The following TIAM2 variants were observed in gnomAD, a reference collection of about 807,000 sequenced individuals.
TIAM2 encodes rho guanine nucleotide exchange factor TIAM2.
In TIAM2, 80 loss-of-function variants were observed where a neutral mutation model predicts 152.9. The ratio of observed to expected loss-of-function variants is 0.52; its 90% CI spans 0.44 to 0.63. The LOEUF (loss-of-function observed/expected upper bound fraction) is 0.63, where lower values mean the gene tolerates loss of function less well. Among genes scored for constraint, TIAM2 ranks in the 30% least tolerant of loss-of-function variants. The probability of loss-of-function intolerance (pLI) is 0.00; values close to 1 mark genes in which losing one functional copy is unlikely to be tolerated. For missense variants in TIAM2, 1,965 were observed against 2,120.1 expected (o/e 0.93, Z 1.44); for synonymous variants, 804 against 838.0 (o/e 0.96, Z 0.70).
intron 19 of TIAM2, 24 bp downstream of exon 19, chr6:155,245,755 G>GTTT (rs11435976): frequency 0.13 from 130,005 of 1,007,104 alleles, 2,525 homozygotes; most frequent in Non-Finnish European, 0.14. Flanking sequence ...GCCTTTTATA[G>GTTT]TTTTTTTTTT....
intron 3 of TIAM2, among the ~76,000 whole-genome samples, chr6:155,128,944 T>C (rs1009271306): frequency 6.6e-6 from 1 of 152,206 alleles, no homozygotes; most frequent in Non-Finnish European, 1.5e-5. Flanking sequence ...AGCTGATTTT[T>C]ATGCCTGTTC....
chr6:155,094,679 A>C (rs1038404549), intron 2 of TIAM2, among the ~76,000 whole-genome samples: 3 of 150,262 alleles, frequency 2.0e-5, no homozygotes, highest in South Asian at 4.3e-4. Flanking sequence ...CCTCCTGAGC[A>C]GCTGGGATTA....
In TIAM2 at chr6:155,114,170, C is replaced by T. The variant is rs558965243; in HGVS notation, c.-117-13320C>T. On this transcript the variant is annotated intron_variant, in intron 2 of 26. Coordinates refer to ENST00000682666, the MANE Select transcript of TIAM2 (RefSeq NM_012454.4). The stretch of plus-strand genomic sequence containing the variant: ...TCAGGTTCAAGTGATTCTTGTGCCT[C>T]AGGCTCCTGAGTAGCTGGGATTACA... Among the ~76,000 whole-genome samples the T allele has an allele frequency of 5.8e-4, 85 of 147,268 alleles. 1 individual carries two copies. The highest frequency in any genetic ancestry group is 2.1e-3 in the African/African-American group (82 of 39,974).
At position 155,257,529 on chromosome 6, in the gene TIAM2, G is replaced by GTTAT. The variant is rs1235307911; in HGVS notation, c.*411_*414dup. Reference sequence around the variant, plus strand: ...TTTGCTTTATTTAAAGCATATTTAAGTTATTTTAATGTGGTTTAGGGGCAA... The same window carrying GTTAT: ...TTTGCTTTATTTAAAGCATATTTAAGTTATTTATTTTAATGTGGTTTAGGGGCAA... On this transcript the variant is annotated 3_prime_UTR_variant, in exon 27 of 27. Transcript: ENST00000682666. The GTTAT allele has an allele frequency of 2.7e-6, 1 of 364,520 alleles. No homozygotes were observed. Among genetic ancestry groups the GTTAT allele is most frequent in the African/African-American group, 2.1e-5 (1 of 47,184 alleles). 22.6% of individuals were successfully genotyped at this position (364,520 alleles called of 1,614,324 possible). A position where few individuals can be genotyped will look rare whatever the true frequency, so the allele number is the denominator to read the frequency against.
intron 1 of TIAM2, among the ~76,000 whole-genome samples, chr6:155,070,603 A>T (rs957703734): frequency 2.6e-5 from 4 of 152,014 alleles, no homozygotes; most frequent in African/African-American, 9.7e-5. Flanking sequence ...TCATTTAAAA[A>T]TTTTTCTAGT....
chr6:155,126,139 G>C (rs1270350312), intron 2 of TIAM2, among the ~76,000 whole-genome samples: 2 of 152,238 alleles, frequency 1.3e-5, no homozygotes, highest in South Asian at 2.1e-4. Context: ...ATGCTATTCA[G>C]CCTTAACAAG....
At chr6:155,250,099 T>C (rs575912052) in intron 21 of TIAM2, 130 bp downstream of exon 21, 1 of 634,756 alleles carries the variant, frequency 1.6e-6, no homozygotes, top group East Asian at 2.6e-5. Flanking sequence ...TTGATAACAA[T>C]GTGTCTAATG....
At chr6:155,016,441 CT>C (rs775836952) in intron 1 of TIAM2, 6 of 142,738 alleles carry the variant, frequency 4.2e-5, no homozygotes, top group Non-Finnish European at 9.5e-5. Context: ...GTTAATGGTG[CT>C]TGGGAGGAGA....
chr6:155,094,548 T>C (rs1292704288), intron 2 of TIAM2, among the ~76,000 whole-genome samples: 1 of 135,658 alleles, frequency 7.4e-6, no homozygotes, highest in Non-Finnish European at 1.6e-5. Flanking sequence ...CACTCAGACT[T>C]TTTTTTTTTT....
chr6:155,201,670 T>C (rs555941014), intron 14 of TIAM2, among the ~76,000 whole-genome samples: 34 of 152,218 alleles, frequency 2.2e-4, no homozygotes, highest in Admixed American at 8.5e-4. Flanking sequence ...AGAAGGAGTA[T>C]TGCAGTCAGT....
intron 14 of TIAM2, 93 bp downstream of exon 14, chr6:155,183,593 G>A: frequency 7.0e-7 from 1 of 1,435,268 alleles, no homozygotes; most frequent in Admixed American, 2.4e-5. Flanking sequence ...GATTATTTAA[G>A]CTGTTCAAAG....
Position 154,995,561 on chromosome 6 carries a change from C to T in TIAM2, c.-209+69C>T, listed in dbSNP as rs1778197948. 1 of 148,230 alleles carries T rather than the reference C, an allele frequency of 6.7e-6. No homozygotes were observed. The allele number at this position is 148,230 out of a possible 1,614,324, so 9.2% of individuals were successfully genotyped here. Reference sequence around the variant, plus strand: ...GCTGGTTGGCGGCGGCTCCAGGTCCCCTGCGGGCGGGGCGGCGCGCGGCCG... The same window carrying T: ...GCTGGTTGGCGGCGGCTCCAGGTCCTCTGCGGGCGGGGCGGCGCGCGGCCG... On this transcript the variant is annotated intron_variant, in intron 1 of 26. Transcript: ENST00000682666. This position sits in a 1 kb window ranked among gnomAD's most constrained non-coding sequence, Gnocchi z 5.2.
intron 2 of TIAM2, among the ~76,000 whole-genome samples, chr6:155,110,944 C>T (rs1434991923): frequency 6.6e-6 from 1 of 152,114 alleles, no homozygotes; most frequent in Non-Finnish European, 1.5e-5. Flanking sequence ...TAATCCTTAT[C>T]CTGCCTTTGT....
At chr6:155,021,987 T>C (rs1030726139) in intron 1 of TIAM2, among the ~76,000 whole-genome samples, 3 of 152,206 alleles carry the variant, frequency 2.0e-5, no homozygotes, top group African/African-American at 7.2e-5. Context: ...TCGTGCTGTT[T>C]ACCTCACAGT....
intron 14 of TIAM2, among the ~76,000 whole-genome samples, chr6:155,193,095 C>T (rs1781249867): frequency 6.6e-6 from 1 of 151,904 alleles, no homozygotes; most frequent in East Asian, 1.9e-4. Flanking sequence ...GTGGACATTT[C>T]ATTTCACAGT....
At chr6:155,016,523 C>A (rs376011971) in intron 1 of TIAM2, among the ~76,000 whole-genome samples, 570 of 78,504 alleles carry the variant, frequency 7.3e-3, no homozygotes, top group South Asian at 0.032. Context: ...ATGGTATTTA[C>A]ATTTAAATGG....
In TIAM2 at chr6:155,240,656, C is replaced by T. The variant is rs554364447; in HGVS notation, c.3295C>T (p.Arg1099Cys). 84 of 1,613,950 alleles carry T rather than the reference C, an allele frequency of 5.2e-5. No homozygotes were observed. Among genetic ancestry groups the T allele is most frequent in the Admixed American group, 1.2e-4 (7 of 60,032 alleles). Residue 1099 changes from arginine (R) to cysteine (C), a missense_variant, in exon 16 of 27, where the codon CGC becomes TGC. Arg to Cys is a radical substitution (Grantham distance 180). Coordinates refer to ENST00000682666, the MANE Select transcript of TIAM2 (RefSeq NM_012454.4). ...GGCCCGCCACCTGTCTGATGCAGAC[C>T]GCCTCCGCAAAGTCATCCAGGAGCT... Reference protein sequence around the residue: ...SLARHLSDADRLRKVIQELVD... With the variant: ...SLARHLSDADCLRKVIQELVD...
chr6:155,056,197 A>C (rs9371853), intron 1 of TIAM2, among the ~76,000 whole-genome samples: 71,388 of 124,918 alleles, frequency 0.57, 20,219 homozygotes, highest in Middle Eastern at 0.69. Flanking sequence ...TTTGAGACAG[A>C]GTCTCGCTCT....
rs1777047445 is a variant in TIAM2, at chr6:155,041,517, AAT to A, written c.-209+46026_-209+46027del. Among the ~76,000 whole-genome samples the A allele has an allele frequency of 2.0e-5, 3 of 152,348 alleles. 1 individual carries two copies. The highest frequency in any genetic ancestry group is 2.0e-4 in the Admixed American group (3 of 15,304). ...ATTGAGAGCGAGTAAAACAAGGAAGAATTCTGTATTGTTCTGAATTTCTGAGT... is the reference window on the plus strand; with the variant it reads ...ATTGAGAGCGAGTAAAACAAGGAAGATCTGTATTGTTCTGAATTTCTGAGT... On this transcript the variant is annotated intron_variant, in intron 1 of 26. Coordinates refer to ENST00000682666, the MANE Select transcript of TIAM2 (RefSeq NM_012454.4).
Sources: gnomAD v4.1 joint callset for allele counts (sites outside exome capture counted in the v4.1 genomes callset) on GRCh38, gnomAD v4.1.1 for gene constraint, Gnocchi (gnomAD v3.1) non-coding constraint, MANE v1.5 for transcripts, NCBI Gene and HGNC (gene_info 2026-07-23, HGNC 2026-07-21) for gene names.